The following CHCHD3 variants were observed in gnomAD, a reference collection of about 807,000 sequenced individuals.
CHCHD3 encodes MICOS complex subunit MIC19.
In CHCHD3, 20 loss-of-function variants were observed where a neutral mutation model predicts 38.2. The observed-to-expected ratio is 0.52, with a 90% CI of 0.37 to 0.76. The LOEUF is 0.76. CHCHD3 is among the 30% of genes least tolerant of loss of function. CHCHD3 has a pLI of 0.00. For missense variants in CHCHD3, 245 were observed against 279.2 expected (o/e 0.88, Z 0.87); for synonymous variants, 82 against 100.0 (o/e 0.82, Z 1.07).
intron 7 of CHCHD3, 138 bp from the exon 8 acceptor site, chr7:132,785,798 G>A (rs879075893): frequency 2.4e-5 from 21 of 882,808 alleles, no homozygotes; most frequent in Middle Eastern, 2.5e-4. Context: ...TATGCTTCCT[G>A]TTCTCAAAAT....
Position 133,082,006 on chromosome 7 carries a change from A to C in CHCHD3, c.-69T>G. The stretch of plus-strand genomic sequence containing the variant: ...AGCACTTCGGGGCCCCCGCACCCAC[A>C]CGCGCGTGGAAGGGCCTGGATTCTT... On this transcript the variant is annotated 5_prime_UTR_variant, in exon 1 of 8. Coordinates refer to ENST00000262570, the MANE Select transcript of CHCHD3 (RefSeq NM_017812.4). 1.5e-6 allele frequency: 2 copies of C among 1,356,502 alleles called. No homozygotes were observed. Among genetic ancestry groups the C allele is most frequent in the Non-Finnish European group, 2.0e-6 (2 of 1,005,104 alleles). 84.0% of individuals were successfully genotyped at this position (1,356,502 alleles called of 1,614,324 possible). A position where few individuals can be genotyped will look rare whatever the true frequency, so the allele number is the denominator to read the frequency against.
intron 4 of CHCHD3, among the ~76,000 whole-genome samples, chr7:132,936,767 GCTAAA>G (rs1422963386): frequency 6.6e-6 from 1 of 152,162 alleles, no homozygotes; most frequent in African/African-American, 2.4e-5. Flanking sequence ...GATAAAACGT[GCTAAA>G]GTTATTCTTG....
At chr7:133,050,577 A>T (rs1407491340) in intron 2 of CHCHD3, among the ~76,000 whole-genome samples, 1 of 152,138 alleles carries the variant, frequency 6.6e-6, no homozygotes, top group Non-Finnish European at 1.5e-5. Flanking sequence ...TATTGCTACC[A>T]ATTCATTTCA....
chr7:132,802,422 T>G (rs1806816524), intron 6 of CHCHD3, among the ~76,000 whole-genome samples: 1 of 152,130 alleles, frequency 6.6e-6, no homozygotes, highest in South Asian at 2.1e-4. Context: ...CTGAGCTGGA[T>G]CCCACTGTAT....
At chr7:132,972,920 A>T (rs7787607) in intron 4 of CHCHD3, 147,645 of 985,274 alleles carry the variant, frequency 0.15, 11,441 homozygotes, top group Non-Finnish European at 0.16. Context: ...GTAAAGACAG[A>T]CAATAGACAA....
intron 6 of CHCHD3, among the ~76,000 whole-genome samples, chr7:132,828,706 T>A (rs369518625): frequency 1.3e-5 from 2 of 152,282 alleles, no homozygotes; most frequent in African/African-American, 4.8e-5. Context: ...GCTAAATACA[T>A]TCATAAGTTA....
intron 3 of CHCHD3, among the ~76,000 whole-genome samples, chr7:132,998,709 T>C (rs1812488771): frequency 6.6e-6 from 1 of 152,148 alleles, no homozygotes; most frequent in South Asian, 2.1e-4. Flanking sequence ...CATGAAACTG[T>C]AATAAAGTAG....
rs576913771 is a variant in CHCHD3 at position 132,785,346 on chromosome 7, T to C, written c.*291A>G. Reference sequence around the variant, plus strand: ...CATTTTATGGTCAGTGCAAGTTGAATAGAAAGTACCAAAAGGTGGAGAGGG... The same window carrying C: ...CATTTTATGGTCAGTGCAAGTTGAACAGAAAGTACCAAAAGGTGGAGAGGG... On this transcript the variant is annotated 3_prime_UTR_variant, in exon 8 of 8. Transcript: ENST00000262570. 10 of 413,672 alleles carry C rather than the reference T, an allele frequency of 2.4e-5. No individual in the cohort carries two copies. The highest frequency in any genetic ancestry group is 4.1e-5 in the African/African-American group (2 of 49,190). The allele number at this position is 413,672 out of a possible 1,614,324, so 25.6% of individuals were successfully genotyped here.
chr7:132,891,559 T>C (rs1338400170), intron 4 of CHCHD3, among the ~76,000 whole-genome samples: 1 of 152,144 alleles, frequency 6.6e-6, no homozygotes, highest in Non-Finnish European at 1.5e-5. Flanking sequence ...TTGGTGCTTG[T>C]TTTGTCTTCC....
In CHCHD3 at chr7:132,975,258, C is replaced by G. The variant is rs1389661346; in HGVS notation, c.280G>C (p.Glu94Gln). ...AACTGCTCATTGGCAGCAGCCCTCT[C>G]TCGGTCCAGCTCTTTGGCTTGCTTT... ...RLKQAKELDRERAAANEQLTR... is the reference protein window; with the variant it reads ...RLKQAKELDRQRAAANEQLTR... The change falls in exon 4 of 8, where the codon GAG becomes CAG. Residue 94 changes from glutamate (E) to glutamine (Q), a missense_variant. Coordinates refer to ENST00000262570, the MANE Select transcript of CHCHD3 (RefSeq NM_017812.4). 2 of 1,612,948 alleles carry G rather than the reference C, an allele frequency of 1.2e-6. No individual in the cohort carries two copies. The highest frequency in any genetic ancestry group is 1.7e-6 in the Non-Finnish European group (2 of 1,179,928).
rs1157251950 is a variant in CHCHD3 at position 132,925,695 on chromosome 7, C to A, written c.370-39950G>T. Among the ~76,000 whole-genome samples the A allele has an allele frequency of 3.9e-5, 6 of 152,258 alleles. No homozygotes were observed. In the East Asian group the frequency reaches 1.2e-3, roughly 29 times the overall value. On this transcript the variant is annotated intron_variant, in intron 4 of 7. Transcript: ENST00000262570. ...ACACGTATATACCCCAGCTATAACA[C>A]AAGTATATATCCCAGCTAGAAAAAG...
chr7:133,024,071 C>T (rs1445177794), intron 3 of CHCHD3, among the ~76,000 whole-genome samples: 2 of 152,150 alleles, frequency 1.3e-5, no homozygotes, highest in Non-Finnish European at 2.9e-5. Flanking sequence ...TATTTCCAAC[C>T]TTACTTATGT....
intron 4 of CHCHD3, among the ~76,000 whole-genome samples, chr7:132,913,456 C>CA (rs1023489596): frequency 2.6e-5 from 4 of 151,850 alleles, no homozygotes; most frequent in Non-Finnish European, 4.4e-5. Context: ...ATCCATCAGG[C>CA]AAAAAAACAG....
intron 2 of CHCHD3, among the ~76,000 whole-genome samples, chr7:133,051,493 A>T (rs1475585364): frequency 1.3e-5 from 2 of 152,194 alleles, no homozygotes; most frequent in African/African-American, 4.8e-5. Flanking sequence ...CTACTAGCCA[A>T]GTTATTCTAA....
intron 5 of CHCHD3, among the ~76,000 whole-genome samples, chr7:132,852,378 T>C (rs867488183): frequency 3.9e-5 from 6 of 152,200 alleles, no homozygotes; most frequent in African/African-American, 1.4e-4. Flanking sequence ...TTTGGCTGTC[T>C]TTCTTGTCTT....
chr7:132,803,458 T>C (rs1457133298), intron 6 of CHCHD3, among the ~76,000 whole-genome samples: 1 of 152,226 alleles, frequency 6.6e-6, no homozygotes, highest in Non-Finnish European at 1.5e-5. Flanking sequence ...ATGAGCCATA[T>C]ACAATGCATC....
At chr7:132,911,498 T>C (rs7797800) in intron 4 of CHCHD3, among the ~76,000 whole-genome samples, 39,287 of 152,154 alleles carry the variant, frequency 0.26, 5,194 homozygotes, top group South Asian at 0.35. Context: ...TAAAAAGGCC[T>C]AAGGGATTCA....
At chr7:132,789,134 C>T (rs17166758) in intron 7 of CHCHD3, among the ~76,000 whole-genome samples, 7,199 of 152,146 alleles carry the variant, frequency 0.047, 574 homozygotes, top group African/African-American at 0.16. Flanking sequence ...GTATTGGTTC[C>T]GTAAGTACTG....
intron 6 of CHCHD3, among the ~76,000 whole-genome samples, chr7:132,797,614 T>G (rs1465302628): frequency 6.6e-6 from 1 of 152,240 alleles, no homozygotes; most frequent in Non-Finnish European, 1.5e-5. Context: ...ATTTACTGAA[T>G]GAATACAAAT....
Sources: gnomAD v4.1 joint callset for allele counts (sites outside exome capture counted in the v4.1 genomes callset) on GRCh38, gnomAD v4.1.1 for gene constraint, MANE v1.5 for transcripts, NCBI Gene and HGNC (gene_info 2026-07-23, HGNC 2026-07-21) for gene names.